Variants in EML6 observed in about 807,000 individuals in gnomAD.
EML6 encodes the protein EMAP like 6, also known as echinoderm microtubule-associated protein-like 6.
In EML6, 154 loss-of-function variants were observed where a neutral mutation model predicts 240.1. The observed-to-expected ratio is 0.64, with a 90% confidence interval of 0.56 to 0.73. The LOEUF is 0.73. EML6 is among the 30% of genes least tolerant of loss of function. The pLI, the probability that EML6 is intolerant of heterozygous loss-of-function variation, is 0.00. For missense variants in EML6, 2,964 were observed against 2,474.6 expected (o/e 1.20, Z -4.20); for synonymous variants, 1,148 against 899.0 (o/e 1.28, Z -4.95).
intron 2 of EML6, among the ~76,000 whole-genome samples, chr2:54,790,977 G>A (rs552063094): frequency 4.6e-5 from 7 of 151,788 alleles, no homozygotes; most frequent in African/African-American, 7.2e-5. Context: ...CGCCCGCCTC[G>A]GCCTCCCAAA....
At chr2:54,737,757 G>A (rs780707752) in intron 2 of EML6, among the ~76,000 whole-genome samples, 46 of 152,232 alleles carry the variant, frequency 3.0e-4, no homozygotes, top group Middle Eastern at 3.4e-3. Context: ...TGAACAGGTC[G>A]TGTCAATTCT....
At position 54,774,020 on chromosome 2, in the gene EML6, G is replaced by A. The variant is rs1253933646; in HGVS notation, c.198-39212G>A. 6.6e-6 allele frequency among the ~76,000 whole-genome samples: 1 copy of A among 152,158 alleles called. No individual in the cohort carries two copies. Among genetic ancestry groups the A allele is most frequent in the East Asian group, 1.9e-4 (1 of 5,192 alleles). On this transcript the variant is annotated intron_variant, in intron 2 of 41. Coordinates refer to ENST00000356458, the MANE Select transcript of EML6 (RefSeq NM_001039753.4). The surrounding 1 kb of genome is among the most constrained non-coding windows in gnomAD (Gnocchi z 4.1). Reference sequence around the variant, plus strand: ...CTCCAGCCTTCATGTCTGCATTCCAGCCAGCAGGAGGAGAAAGAGGGGCAC... The same window carrying A: ...CTCCAGCCTTCATGTCTGCATTCCAACCAGCAGGAGGAGAAAGAGGGGCAC...
At chr2:54,901,782 C>G (rs1673069334) in intron 22 of EML6, among the ~76,000 whole-genome samples, 2 of 152,336 alleles carry the variant, frequency 1.3e-5, no homozygotes, top group Non-Finnish European at 2.9e-5. Context: ...TGCCCTGGCA[C>G]AAGGCCACCT....
chr2:54,857,306 G>A (rs1442490188), intron 11 of EML6, among the ~76,000 whole-genome samples: 3 of 152,162 alleles, frequency 2.0e-5, no homozygotes, highest in Admixed American at 2.0e-4. Context: ...GGGGGAGGAG[G>A]TTGATAGAGA....
intron 28 of EML6, among the ~76,000 whole-genome samples, chr2:54,941,327 G>A (rs372608241): frequency 6.6e-6 from 1 of 151,924 alleles, no homozygotes; most frequent in Non-Finnish European, 1.5e-5. Context: ...TTTTTTAAAC[G>A]CCTTATTTAA....
intron 11 of EML6, among the ~76,000 whole-genome samples, chr2:54,858,240 A>G (rs1670493557): frequency 6.6e-6 from 1 of 152,230 alleles, no homozygotes; most frequent in Admixed American, 6.5e-5. Flanking sequence ...CGTGGCATAT[A>G]GAGATCCAAG....
intron 30 of EML6, among the ~76,000 whole-genome samples, chr2:54,951,479 A>G (rs2104489528): frequency 6.6e-6 from 1 of 151,872 alleles, no homozygotes; most frequent in Middle Eastern, 3.4e-3. Context: ...TGGGAGGTGG[A>G]GGTTGCAGTG....
At chr2:54,839,774 C>T (rs1311087338) in intron 7 of EML6, among the ~76,000 whole-genome samples, 1 of 152,202 alleles carries the variant, frequency 6.6e-6, no homozygotes, top group East Asian at 1.9e-4. Context: ...CTGAGGAATG[C>T]AAGAGCTCCC....
At chr2:54,923,160 C>G (rs1256166618) in intron 26 of EML6, among the ~76,000 whole-genome samples, 1 of 151,800 alleles carries the variant, frequency 6.6e-6, no homozygotes, top group African/African-American at 2.4e-5. Context: ...AGGCTGGTCT[C>G]GAACTCCCAA....
At chr2:54,843,964 TTGTGTGTGTGTGTGTGTG>T (rs70944190) in intron 7 of EML6, 65 bp from the exon 8 acceptor site, 68 of 658,612 alleles carry the variant, frequency 1.0e-4, no homozygotes, top group Non-Finnish European at 1.6e-4. Flanking sequence ...CTTTAGGGTT[TTGTGTGTGTGTGTGTGTG>T]TGTGTGTGTG....
intron 25 of EML6, among the ~76,000 whole-genome samples, chr2:54,915,019 T>C (rs1673835946): frequency 6.6e-6 from 1 of 152,170 alleles, no homozygotes. Flanking sequence ...TTGCTTCCTT[T>C]GCAAAATGAT....
chr2:54,933,957 AAG>A (rs1343974897), intron 28 of EML6, among the ~76,000 whole-genome samples: 1 of 152,170 alleles, frequency 6.6e-6, no homozygotes, highest in Non-Finnish European at 1.5e-5. Context: ...AATAGTGGTA[AAG>A]AGAGGACAGA....
intron 30 of EML6, among the ~76,000 whole-genome samples, chr2:54,952,232 G>A (rs1312515413): frequency 6.6e-6 from 1 of 152,150 alleles, no homozygotes; most frequent in Non-Finnish European, 1.5e-5. Context: ...TGGACACTGA[G>A]AAGCACCAGT....
At chr2:54,961,863 A>C (rs1299038873) in intron 35 of EML6, among the ~76,000 whole-genome samples, 2 of 151,230 alleles carry the variant, frequency 1.3e-5, no homozygotes, top group Non-Finnish European at 3.0e-5. Flanking sequence ...AATTAGCCAG[A>C]TGTGGTGGCG....
chr2:54,732,477 G>T (rs150753330), intron 2 of EML6, among the ~76,000 whole-genome samples: 1 of 152,248 alleles, frequency 6.6e-6, no homozygotes, highest in African/African-American at 2.4e-5. Flanking sequence ...TATATATGGT[G>T]TGAGGTAGGG....
chr2:54,836,805 C>T (rs552456415), intron 7 of EML6, among the ~76,000 whole-genome samples: 2 of 152,212 alleles, frequency 1.3e-5, no homozygotes, highest in Non-Finnish European at 2.9e-5. Context: ...CTGTTTTGCA[C>T]TGGGCTCCAA....
intron 28 of EML6, among the ~76,000 whole-genome samples, chr2:54,943,322 C>T (rs1041414665): frequency 1.3e-5 from 2 of 152,154 alleles, no homozygotes; most frequent in East Asian, 1.9e-4. Flanking sequence ...TGGCCCCGGC[C>T]TCCTGTCCAT....
At chr2:54,858,165 C>G (rs891089468) in intron 11 of EML6, among the ~76,000 whole-genome samples, 2 of 152,196 alleles carry the variant, frequency 1.3e-5, no homozygotes, top group Non-Finnish European at 2.9e-5. Flanking sequence ...TCATGTGGCT[C>G]TTGGCAGGAG....
intron 2 of EML6, among the ~76,000 whole-genome samples, chr2:54,787,874 T>G (rs1231264301): frequency 1.3e-5 from 2 of 151,152 alleles, no homozygotes; most frequent in African/African-American, 4.9e-5. Context: ...AGGCCAGACC[T>G]AAGTTATTTG....
Sources: allele counts gnomAD v4.1 joint callset (sites outside exome capture counted in the v4.1 genomes callset), GRCh38; gene constraint gnomAD v4.1.1; non-coding constraint Gnocchi (gnomAD v3.1); transcripts MANE v1.5; gene names NCBI Gene and HGNC (gene_info 2026-07-23, HGNC 2026-07-21).